Variants in CEP85L observed in about 807,000 individuals in gnomAD.
CEP85L encodes the protein centrosomal protein of 85 kDa-like.
A neutral mutation model predicts 100.3 loss-of-function variants in CEP85L; 60 were observed. That is an observed-to-expected ratio of 0.60 (90% CI 0.49 to 0.74). The LOEUF is 0.74. Ranked by LOEUF, CEP85L falls within the 30% of genes least tolerant of loss-of-function variation. The pLI, the probability that CEP85L is intolerant of heterozygous loss-of-function variation, is 0.00. For synonymous variants in CEP85L, 319 were observed against 322.7 expected (o/e 0.99, Z 0.12); for missense variants, 973 against 936.2 (o/e 1.04, Z -0.51).
intron 2 of CEP85L, among the ~76,000 whole-genome samples, chr6:118,622,992 G>T (rs957934134): frequency 6.6e-6 from 1 of 152,214 alleles, no homozygotes; most frequent in South Asian, 2.1e-4. Context: ...TCTCATGGGG[G>T]CATAGTTTTC....
rs548963490 is a variant in CEP85L at position 118,615,771 on chromosome 6, A to C, written c.232+16682T>G. ...ATACCGACCTACCAAAAAACCCTGG[A>C]CACCAGGGCTCAGCTGAGCTTACCC... On this transcript the variant is annotated intron_variant, in intron 2 of 12. Coordinates refer to ENST00000368491, the MANE Select transcript of CEP85L (RefSeq NM_001042475.3). 2.4e-4 allele frequency among the ~76,000 whole-genome samples: 36 copies of C among 152,300 alleles called. No homozygotes were observed. In the East Asian group the frequency reaches 6.9e-3, roughly 29 times the overall value.
chr6:118,603,740 A>C (rs1562300788), intron 2 of CEP85L, among the ~76,000 whole-genome samples: 1 of 152,228 alleles, frequency 6.6e-6, no homozygotes, highest in Non-Finnish European at 1.5e-5. Flanking sequence ...GAGAGTTCTG[A>C]AAGTTTTTTC....
In CEP85L at chr6:118,504,324, G is replaced by T. The variant is rs538843986; in HGVS notation, c.1257+6974C>A. The stretch of plus-strand genomic sequence containing the variant: ...CAGTATGCGGAGGTTGCAGTGAGCC[G>T]AAACCGCATCACTGCACTCCAGCCT... On this transcript the variant is annotated intron_variant, in intron 5 of 12. Coordinates refer to ENST00000368491, the MANE Select transcript of CEP85L (RefSeq NM_001042475.3). Among the ~76,000 whole-genome samples, 8 of 151,458 alleles carry T rather than the reference G, an allele frequency of 5.3e-5. No individual in the cohort carries two copies. In the East Asian group the frequency reaches 1.4e-3, roughly 26 times the overall value.
chr6:118,674,734 G>C (rs1776427332), intron 1 of CEP85L, among the ~76,000 whole-genome samples: 1 of 152,102 alleles, frequency 6.6e-6, no homozygotes, highest in South Asian at 2.1e-4. Flanking sequence ...AGTTATTAGA[G>C]AAATGCAAAT....
At chr6:118,688,379 G>A (rs1482585987) in intron 1 of CEP85L, among the ~76,000 whole-genome samples, 1 of 152,140 alleles carries the variant, frequency 6.6e-6, no homozygotes. Flanking sequence ...CAGTGGGGCA[G>A]GTACTTTGTT....
chr6:118,507,614 C>T (rs758259879), intron 5 of CEP85L, among the ~76,000 whole-genome samples: 23 of 152,294 alleles, frequency 1.5e-4, no homozygotes, highest in Non-Finnish European at 2.9e-4. Flanking sequence ...TCTACCACTA[C>T]CTTTCTCTCA....
At chr6:118,631,939 A>C (rs1434380451) in intron 2 of CEP85L, among the ~76,000 whole-genome samples, 1 of 152,218 alleles carries the variant, frequency 6.6e-6, no homozygotes, top group Non-Finnish European at 1.5e-5. Context: ...TAATTATCTC[A>C]AAGTAAGAAG....
At chr6:118,519,430 C>CCCTGTGTGTG (rs1776483516) in intron 4 of CEP85L, among the ~76,000 whole-genome samples, 1 of 91,144 alleles carries the variant, frequency 1.1e-5, no homozygotes, top group Non-Finnish European at 2.0e-5. Flanking sequence ...CAGAGCAAAA[C>CCCTGTGTGTG]TCTGTGTGTG....
At chr6:118,709,179 G>A (rs867484041) in intron 1 of CEP85L, among the ~76,000 whole-genome samples, 2 of 152,062 alleles carry the variant, frequency 1.3e-5, no homozygotes, top group East Asian at 1.9e-4. Flanking sequence ...TCTTATGGGA[G>A]GGTAGCGACC....
chr6:118,655,392 A>G (rs1291280444), upstream of CEP85L, among the ~76,000 whole-genome samples: 6 of 152,256 alleles, frequency 3.9e-5, no homozygotes, highest in Non-Finnish European at 7.3e-5. Context: ...AGGACCATCA[A>G]TGTTTTCAGG....
rs888516220 is a variant in CEP85L, at chr6:118,505,452, C to T, written c.1257+5846G>A. Among the ~76,000 whole-genome samples the T allele has an allele frequency of 2.3e-5, 3 of 127,872 alleles. No homozygotes were observed. The South Asian group carries it at 7.9e-4, about 34-fold the overall frequency. 83.9% of individuals were successfully genotyped at this position (127,872 alleles called of 152,430 possible). A position where few individuals can be genotyped will look rare whatever the true frequency, so the allele number is the denominator to read the frequency against. On this transcript the variant is annotated intron_variant, in intron 5 of 12. Coordinates refer to ENST00000368491, the MANE Select transcript of CEP85L (RefSeq NM_001042475.3). ...AAAAAAAAAAAAGTTAACACAGATG[C>T]TTCTACTATAATACAAATATATGCA...
intron 2 of CEP85L, among the ~76,000 whole-genome samples, chr6:118,582,769 G>A (rs1170051664): frequency 6.6e-6 from 1 of 152,154 alleles, no homozygotes; most frequent in Non-Finnish European, 1.5e-5. Context: ...ATTCAGTCGA[G>A]GGACAGCTAA....
Position 118,470,559 on chromosome 6 carries a change from C to T in CEP85L, c.2000G>A (p.Arg667Lys). The T allele has an allele frequency of 6.3e-7, 1 of 1,599,724 alleles. No homozygotes were observed. The highest frequency in any genetic ancestry group is 8.5e-7 in the Non-Finnish European group (1 of 1,172,712). The change falls in exon 11 of 13, where the codon AGA (arginine) becomes AAA (lysine). Residue 667 changes from arginine (R) to lysine (K), a missense_variant. By Grantham distance (26) the Arg-to-Lys change is conservative. Coordinates refer to ENST00000368491, the MANE Select transcript of CEP85L (RefSeq NM_001042475.3). ...CACTTCAAGCAATGCTTTTGTTAAT[C>T]TCTGTACATTTCTTTCTTTCTTTTC... is the stretch of plus-strand genomic sequence containing the variant. Reference protein sequence around the residue: ...ELEKKERNVQRLTKALLENQR... With the variant: ...ELEKKERNVQKLTKALLENQR...
chr6:118,595,354 GC>G (rs929249151), intron 2 of CEP85L, among the ~76,000 whole-genome samples: 1 of 152,166 alleles, frequency 6.6e-6, no homozygotes, highest in Non-Finnish European at 1.5e-5. Context: ...AAGTGGTGCT[GC>G]TAATGTTAGT....
intron 1 of CEP85L, among the ~76,000 whole-genome samples, chr6:118,641,953 A>G (rs888434477): frequency 1.3e-5 from 2 of 152,176 alleles, no homozygotes; most frequent in African/African-American, 4.8e-5. Flanking sequence ...TTCAATATGT[A>G]GAGGGCATAC....
At chr6:118,643,887 G>A (rs571996135) in intron 1 of CEP85L, among the ~76,000 whole-genome samples, 1 of 152,238 alleles carries the variant, frequency 6.6e-6, no homozygotes, top group South Asian at 2.1e-4. Flanking sequence ...GTCAAGACTT[G>A]GCCACTGTTC....
At chr6:118,504,975 C>T (rs544798557) in intron 5 of CEP85L, among the ~76,000 whole-genome samples, 35 of 152,142 alleles carry the variant, frequency 2.3e-4, no homozygotes, top group African/African-American at 5.8e-4. Flanking sequence ...ATCACTACAG[C>T]GGCTTTACTC....
intron 2 of CEP85L, among the ~76,000 whole-genome samples, chr6:118,605,938 C>T (rs972288415): frequency 2.7e-5 from 4 of 148,390 alleles, no homozygotes; most frequent in South Asian, 2.1e-4. Context: ...CGCTTGAACC[C>T]GGGAGGCAGA....
At chr6:118,653,130 AAC>A (rs1775653724), upstream of CEP85L, among the ~76,000 whole-genome samples, 1 of 152,204 alleles carries the variant, frequency 6.6e-6, no homozygotes, top group Non-Finnish European at 1.5e-5. Flanking sequence ...CCTAATTCTA[AAC>A]AGTGTTTAAA....
Sources: gnomAD v4.1 joint callset for allele counts (sites outside exome capture counted in the v4.1 genomes callset) on GRCh38, gnomAD v4.1.1 for gene constraint, MANE v1.5 for transcripts, NCBI Gene and HGNC (gene_info 2026-07-23, HGNC 2026-07-21) for gene names.